BLM: variants seen among roughly 807,000 people sequenced by gnomAD.
BLM encodes BLM RecQ like helicase.
A neutral mutation model predicts 135.3 loss-of-function variants in BLM; 95 were observed. That is an observed-to-expected ratio of 0.70 (90% CI 0.59 to 0.83). The LOEUF (loss-of-function observed/expected upper bound fraction) is 0.83. BLM is among the 40% of genes least tolerant of loss of function. The pLI is 0.00. For missense variants in BLM, 1,518 were observed against 1,663.9 expected (o/e 0.91, Z 1.53); for synonymous variants, 520 against 589.2 (o/e 0.88, Z 1.70).
intron 1 of BLM, among the ~76,000 whole-genome samples, chr15:90,732,426 A>T (rs1178865643): frequency 1.3e-5 from 2 of 151,898 alleles, no homozygotes; most frequent in Admixed American, 1.3e-4. Context: ...TATAATTCTG[A>T]TCACCATGCA....
At chr15:90,728,476 A>G (rs1894975761) in intron 1 of BLM, among the ~76,000 whole-genome samples, 1 of 152,124 alleles carries the variant, frequency 6.6e-6, no homozygotes, top group African/African-American at 2.4e-5. Context: ...AGCTCACCGC[A>G]ACCACCGCCT....
chr15:90,748,982 CT>C (rs1895587069), intron 2 of BLM, among the ~76,000 whole-genome samples: 1 of 152,086 alleles, frequency 6.6e-6, no homozygotes, highest in Admixed American at 6.6e-5. Flanking sequence ...TGGTCTCGAA[CT>C]CCTGACCTCA....
chr15:90,770,423 G>A (rs1313348923), intron 12 of BLM, among the ~76,000 whole-genome samples: 1 of 152,110 alleles, frequency 6.6e-6, no homozygotes, highest in Admixed American at 6.5e-5. Flanking sequence ...TGATCCGCCC[G>A]CCTTGGCCTC....
intron 1 of BLM, among the ~76,000 whole-genome samples, chr15:90,747,184 A>T (rs1390107028): frequency 1.3e-5 from 2 of 149,260 alleles, no homozygotes; most frequent in Non-Finnish European, 1.5e-5. Flanking sequence ...AGTTAGTTGA[A>T]GATTATATAT....
chr15:90,810,645 C>T (rs139040170), intron 20 of BLM, among the ~76,000 whole-genome samples: 6 of 152,232 alleles, frequency 3.9e-5, no homozygotes, highest in African/African-American at 1.2e-4. Flanking sequence ...TCTCACCTCC[C>T]GCATAATATG....
At position 90,769,011 on chromosome 15, in the gene BLM, C is replaced by G. The variant is rs1016825801; in HGVS notation, c.2308-122C>G. The G allele has an allele frequency of 5.7e-6, 5 of 883,450 alleles. No homozygotes were observed. In the African/African-American group the frequency reaches 8.2e-5, roughly 15 times the overall value. The allele number at this position is 883,450 out of a possible 1,614,324, so 54.7% of individuals were successfully genotyped here. ...AAAGTGCTGGGATTACAGGCGTGAGCCACCGCACCCGGCCTTATAGAGGTT... is the reference window on the plus strand; with the variant it reads ...AAAGTGCTGGGATTACAGGCGTGAGGCACCGCACCCGGCCTTATAGAGGTT... On this transcript the variant is annotated intron_variant, in intron 10 of 21. Coordinates refer to ENST00000355112, the MANE Select transcript of BLM (RefSeq NM_000057.4).
chr15:90,738,278 A>C (rs148042147), intron 1 of BLM, among the ~76,000 whole-genome samples: 11 of 152,338 alleles, frequency 7.2e-5, no homozygotes, highest in African/African-American at 2.6e-4. Context: ...TTAATGATAT[A>C]TTTGATAAAG....
intron 13 of BLM, among the ~76,000 whole-genome samples, chr15:90,784,658 C>T (rs1338882827): frequency 2.0e-5 from 3 of 151,570 alleles, no homozygotes; most frequent in Admixed American, 6.6e-5. Flanking sequence ...TTTATACCCA[C>T]ATGTATCTAG....
At chr15:90,748,027 C>G (rs908332871) in intron 2 of BLM, among the ~76,000 whole-genome samples, 2 of 151,134 alleles carry the variant, frequency 1.3e-5, no homozygotes, top group African/African-American at 2.4e-5. Flanking sequence ...AGGATGGTCT[C>G]GATCTCCTGA....
intron 1 of BLM, among the ~76,000 whole-genome samples, chr15:90,728,412 T>A (rs906213013): frequency 6.6e-6 from 1 of 152,168 alleles, no homozygotes; most frequent in Non-Finnish European, 1.5e-5. Context: ...TTAAATTTTT[T>A]TTGAGACAGG....
chr15:90,740,912 C>T (rs1488416622), intron 1 of BLM, among the ~76,000 whole-genome samples: 1 of 152,186 alleles, frequency 6.6e-6, no homozygotes, highest in Admixed American at 6.5e-5. Context: ...GTCCATTAAA[C>T]CTCTTTTTCT....
chr15:90,793,425 G>C (rs1896955183), intron 15 of BLM, among the ~76,000 whole-genome samples: 1 of 152,128 alleles, frequency 6.6e-6, no homozygotes, highest in South Asian at 2.1e-4. Context: ...GTGAGCCACC[G>C]TACCTGGTGT....
At chr15:90,760,555 T>C (rs1475331424) in intron 6 of BLM, 39 bp from the exon 7 acceptor site, 1 of 1,562,212 alleles carries the variant, frequency 6.4e-7, no homozygotes, top group East Asian at 2.2e-5. Flanking sequence ...CAGAGTAAAC[T>C]ACTTATATTT....
intron 1 of BLM, among the ~76,000 whole-genome samples, chr15:90,725,646 G>A (rs568658733): frequency 6.7e-6 from 1 of 149,700 alleles, no homozygotes; most frequent in Non-Finnish European, 1.5e-5. Context: ...GACTACAGGC[G>A]CCCGCCACCA....
chr15:90,720,883 C>G (rs967097383), intron 1 of BLM, among the ~76,000 whole-genome samples: 8 of 152,080 alleles, frequency 5.3e-5, no homozygotes, highest in Non-Finnish European at 2.9e-5. Context: ...CGCACCTGGC[C>G]TGCTTTTTTC....
At chr15:90,798,388 C>A (rs747073943) in intron 17 of BLM, 51 bp downstream of exon 17, 1 of 1,571,514 alleles carries the variant, frequency 6.4e-7, no homozygotes, top group Middle Eastern at 1.7e-4. Flanking sequence ...AATTGAACAT[C>A]TAAAGAATTT....
chr15:90,727,301 A>G (rs540495989), intron 1 of BLM, among the ~76,000 whole-genome samples: 1 of 152,300 alleles, frequency 6.6e-6, no homozygotes, highest in East Asian at 1.9e-4. Flanking sequence ...GGCATGAGCC[A>G]CTGTGCCTGG....
chr15:90,809,917 T>C (rs963865076), intron 20 of BLM, among the ~76,000 whole-genome samples: 1 of 152,142 alleles, frequency 6.6e-6, no homozygotes, highest in African/African-American at 2.4e-5. Flanking sequence ...ACAGAAGTCT[T>C]CTGCCCTCTG....
chr15:90,761,318 T>A, intron 7 of BLM, 63 bp downstream of exon 7: 1 of 1,224,020 alleles, frequency 8.2e-7, no homozygotes, highest in Non-Finnish European at 1.1e-6. Flanking sequence ...AGGAATTATA[T>A]AAGAAAAACC....
Sources: gnomAD v4.1 joint callset for allele counts (sites outside exome capture counted in the v4.1 genomes callset) on GRCh38, gnomAD v4.1.1 for gene constraint, MANE v1.5 for transcripts, NCBI Gene and HGNC (gene_info 2026-07-23, HGNC 2026-07-21) for gene names.